The following CLNK variants were observed in gnomAD, a reference collection of about 807,000 sequenced individuals.
The protein encoded by CLNK is cytokine dependent hematopoietic cell linker.
CLNK carries 74 observed loss-of-function variants against 68.6 expected under a neutral mutation model. The ratio of observed to expected loss-of-function variants is 1.08; its 90% confidence interval spans 0.89 to 1.31. CLNK has a LOEUF of 1.31. Among genes scored for constraint, CLNK ranks in the 50% most tolerant of loss-of-function variants. CLNK has a pLI of 0.00. For synonymous variants in CLNK, 198 were observed against 172.2 expected (o/e 1.15, Z -1.17); for missense variants, 553 against 515.3 (o/e 1.07, Z -0.71).
At chr4:10,710,436 T>C in the CLNK span, among the ~76,000 whole-genome samples, 3 of 152,038 alleles carry the variant, frequency 2.0e-5, no homozygotes, top group African/African-American at 2.4e-5. Flanking sequence ...CCTTTCTGAG[T>C]TTTTGTTTTC....
intron 8 of CLNK, among the ~76,000 whole-genome samples, chr4:10,545,048 A>T (rs1484817111): frequency 6.6e-6 from 1 of 152,166 alleles, no homozygotes; most frequent in African/African-American, 2.4e-5. Context: ...CAATACTGCC[A>T]CACTGGGGAT....
intron 3 of CLNK, among the ~76,000 whole-genome samples, chr4:10,585,318 G>A (rs112466862): frequency 6.6e-6 from 1 of 152,076 alleles, no homozygotes; most frequent in African/African-American, 2.4e-5. Flanking sequence ...CATATTTTAA[G>A]TTCTGCCTAA....
intron 11 of CLNK, among the ~76,000 whole-genome samples, chr4:10,536,406 T>C (rs1409967376): frequency 6.6e-6 from 1 of 152,232 alleles, no homozygotes; most frequent in East Asian, 1.9e-4. Flanking sequence ...TTACCACCCA[T>C]GTGGGCCCTG....
rs201417474 is a variant in CLNK, at chr4:10,616,790, G to A, written c.12-18741C>T. Among the ~76,000 whole-genome samples, 354 of 64,330 alleles carry A rather than the reference G, an allele frequency of 5.5e-3. 3 individuals are homozygous for A. Among genetic ancestry groups the A allele is most frequent in the African/African-American group, 0.014 (326 of 23,966 alleles). The allele number at this position is 64,330 out of a possible 152,430, so 42.2% of individuals were successfully genotyped here. A position where few individuals can be genotyped will look rare whatever the true frequency, so the allele number is the denominator to read the frequency against. ...TGTGTGTGTATATATGTGTGTGTGTGTATATATATATATATATATATATAT... is the reference window on the plus strand; with the variant it reads ...TGTGTGTGTATATATGTGTGTGTGTATATATATATATATATATATATATAT... On this transcript the variant is annotated intron_variant, in intron 2 of 18. Transcript: ENST00000226951.
rs141829561 is a variant in CLNK, at chr4:10,644,632, G to A, written c.11+23227C>T. Among the ~76,000 whole-genome samples, 90 of 151,968 alleles carry A rather than the reference G, an allele frequency of 5.9e-4. 3 individuals are homozygous for A. The East Asian group carries it at 0.017, about 28-fold the overall frequency. ...CTTGCATTGATAGCAAAATTTAAGA[G>A]GGCACCAAACAATGTCAGTAATGAA... On this transcript the variant is annotated intron_variant, in intron 2 of 18. Coordinates refer to ENST00000226951, the MANE Select transcript of CLNK (RefSeq NM_052964.4).
intron 3 of CLNK, among the ~76,000 whole-genome samples, chr4:10,589,267 A>T (rs1721097126): frequency 6.6e-6 from 1 of 152,192 alleles, no homozygotes; most frequent in Non-Finnish European, 1.5e-5. Context: ...TGGCAGAAGC[A>T]ATTGGCAGGG....
At chr4:10,512,339 T>C (rs555551284) in intron 16 of CLNK, among the ~76,000 whole-genome samples, 18 of 152,240 alleles carry the variant, frequency 1.2e-4, no homozygotes, top group Admixed American at 1.0e-3. Context: ...CAAGCGATTC[T>C]TCTGCCTCAG....
chr4:10,718,478 G>A, the CLNK span, among the ~76,000 whole-genome samples: 1 of 138,696 alleles, frequency 7.2e-6, no homozygotes, highest in Non-Finnish European at 1.6e-5. Flanking sequence ...CAGAAAAAAA[G>A]TGGCACAATA....
chr4:10,677,772 G>A (rs376864998), intron 1 of CLNK, among the ~76,000 whole-genome samples: 71 of 151,896 alleles, frequency 4.7e-4, no homozygotes, highest in African/African-American at 1.3e-3. Context: ...ACCTCTTTCC[G>A]TTATAAACTA....
At chr4:10,719,230 T>C in the CLNK span, among the ~76,000 whole-genome samples, 3 of 152,090 alleles carry the variant, frequency 2.0e-5, no homozygotes, top group African/African-American at 4.8e-5. Flanking sequence ...ATGGTCTAAA[T>C]ACACTAATTA....
chr4:10,645,945 C>T (rs547835985), intron 2 of CLNK, among the ~76,000 whole-genome samples: 4 of 151,966 alleles, frequency 2.6e-5, no homozygotes, highest in Non-Finnish European at 5.9e-5. Context: ...CAAGTAGATG[C>T]CCATTATTTA....
intron 2 of CLNK, among the ~76,000 whole-genome samples, chr4:10,662,809 C>T (rs959932646): frequency 3.3e-5 from 5 of 152,334 alleles, no homozygotes; most frequent in Admixed American, 2.0e-4. Context: ...TGGCAATTTT[C>T]ATTCTTCTTT....
chr4:10,553,894 T>G (rs1445134860), intron 8 of CLNK, among the ~76,000 whole-genome samples: 1 of 152,246 alleles, frequency 6.6e-6, no homozygotes, highest in Admixed American at 6.5e-5. Context: ...TTGCTGTTCC[T>G]TATACTTAGC....
chr4:10,507,859 T>C (rs2109031794), intron 17 of CLNK, 100 bp downstream of exon 17: 3 of 835,256 alleles, frequency 3.6e-6, no homozygotes, highest in Non-Finnish European at 5.7e-6. Flanking sequence ...CAGGAAATAA[T>C]ACATGAAAGC....
At chr4:10,706,511 C>T in the CLNK span, among the ~76,000 whole-genome samples, 1 of 152,192 alleles carries the variant, frequency 6.6e-6, no homozygotes, top group African/African-American at 2.4e-5. Context: ...CCTCCTGAGG[C>T]AATCTCTGAA....
chr4:10,561,579 G>A (rs536071126), intron 7 of CLNK, among the ~76,000 whole-genome samples: 18 of 152,272 alleles, frequency 1.2e-4, no homozygotes, highest in Middle Eastern at 3.4e-3. Flanking sequence ...TTAGTTCAGC[G>A]TTCTCTACTT....
intron 2 of CLNK, among the ~76,000 whole-genome samples, chr4:10,617,089 G>A (rs189192666): frequency 1.3e-5 from 2 of 152,096 alleles, no homozygotes; most frequent in East Asian, 3.9e-4. Context: ...GTGAGAGTGA[G>A]TGCACAATAT....
intron 2 of CLNK, among the ~76,000 whole-genome samples, chr4:10,650,774 G>A (rs1472217766): frequency 6.6e-6 from 1 of 151,774 alleles, no homozygotes; most frequent in East Asian, 1.9e-4. Context: ...TGGAAGGTTT[G>A]ACATATAAAA....
intron 2 of CLNK, among the ~76,000 whole-genome samples, chr4:10,648,627 A>C (rs1032409485): frequency 8.5e-5 from 13 of 152,198 alleles, no homozygotes; most frequent in African/African-American, 2.9e-4. Flanking sequence ...TTTTCCGATG[A>C]AGAAATCCAA....
Sources: gnomAD v4.1 joint callset for allele counts (sites outside exome capture counted in the v4.1 genomes callset) on GRCh38, gnomAD v4.1.1 for gene constraint, MANE v1.5 for transcripts, NCBI Gene and HGNC (gene_info 2026-07-23, HGNC 2026-07-21) for gene names.